The following TEX26 variants were observed in gnomAD, a reference collection of about 807,000 sequenced individuals.
The protein encoded by TEX26 is testis-expressed protein 26.
In TEX26, 34 loss-of-function variants were observed where a neutral mutation model predicts 35.3. The observed-to-expected ratio is 0.96, with a 90% CI of 0.73 to 1.28. The LOEUF is 1.28. Ranked by LOEUF, TEX26 falls within the 50% of genes most tolerant of loss-of-function variation. The probability of loss-of-function intolerance (pLI) is 0.00; values close to 1 mark genes in which losing one functional copy is unlikely to be tolerated. For synonymous variants in TEX26, 136 were observed against 111.8 expected, an observed-to-expected ratio of 1.22 and a Z score of -1.36; for missense variants, 371 against 330.1, an observed-to-expected ratio of 1.12 and a Z score of -0.96.
chr13:30,939,896 G>A (rs1953415796), intron 2 of TEX26, 118 bp downstream of exon 2: 12 of 886,650 alleles, frequency 1.4e-5, no homozygotes, highest in Non-Finnish European at 1.6e-5. Flanking sequence ...AATGCTCTTG[G>A]ATACGGGCTA....
chr13:30,962,698 C>T (rs753886212), intron 4 of TEX26, among the ~76,000 whole-genome samples: 14 of 152,218 alleles, frequency 9.2e-5, no homozygotes, highest in African/African-American at 3.4e-4. Context: ...AAATGTGCTG[C>T]TTTTCACAGT....
At chr13:30,960,469 T>G (rs1046835190) in intron 4 of TEX26, among the ~76,000 whole-genome samples, 3 of 152,198 alleles carry the variant, frequency 2.0e-5, no homozygotes, top group Non-Finnish European at 4.4e-5. Context: ...GGTCTTGAAC[T>G]CCTGAGGTCA....
intron 1 of TEX26, among the ~76,000 whole-genome samples, chr13:30,935,742 G>A (rs931095871): frequency 1.3e-5 from 2 of 152,216 alleles, no homozygotes; most frequent in African/African-American, 4.8e-5. Context: ...CGGATGACCT[G>A]CCTACAGAGA....
intron 2 of TEX26, among the ~76,000 whole-genome samples, chr13:30,947,191 A>C (rs1308723792): frequency 6.6e-6 from 1 of 152,168 alleles, no homozygotes; most frequent in Non-Finnish European, 1.5e-5. Flanking sequence ...ATGAAATACA[A>C]AAAGAAAATT....
At chr13:30,943,661 G>C (rs1953597466) in intron 2 of TEX26, among the ~76,000 whole-genome samples, 1 of 151,838 alleles carries the variant, frequency 6.6e-6, no homozygotes, top group Non-Finnish European at 1.5e-5. Context: ...TTTGTTGAAG[G>C]TTTTTATCAT....
intron 4 of TEX26, among the ~76,000 whole-genome samples, chr13:30,959,917 C>T (rs1288309164): frequency 6.6e-6 from 1 of 152,060 alleles, no homozygotes. Context: ...AGGGGGTTGA[C>T]ATAAAAAAGA....
chr13:30,947,921 G>T (rs1257883977), intron 2 of TEX26, among the ~76,000 whole-genome samples: 1 of 151,750 alleles, frequency 6.6e-6, no homozygotes, highest in Non-Finnish European at 1.5e-5. Flanking sequence ...CCTGGTGTGT[G>T]ATGTTCCTCT....
intron 6 of TEX26, among the ~76,000 whole-genome samples, chr13:30,973,003 T>G (rs1954764544): frequency 6.6e-6 from 1 of 152,126 alleles, no homozygotes; most frequent in Non-Finnish European, 1.5e-5. Context: ...ATATAACTAC[T>G]CCATGACCCA....
At chr13:30,962,830 T>A (rs28602412) in intron 4 of TEX26, among the ~76,000 whole-genome samples, 1 of 32,880 alleles carries the variant, frequency 3.0e-5, no homozygotes, top group Non-Finnish European at 5.9e-5. Flanking sequence ...TTTGTTTTTG[T>A]TTTTTTTTTT....
rs908178909 is a variant in TEX26 at position 30,975,142 on chromosome 13, T to C, written c.*235T>C. On this transcript the variant is annotated 3_prime_UTR_variant, in exon 7 of 7. Coordinates refer to ENST00000380473, the MANE Select transcript of TEX26 (RefSeq NM_152325.3). ...ATCCAATAGTTTTTGATACAATGTTTTTTTCTTTTCCCTTTTGGATACTTA... is the reference window on the plus strand; with the variant it reads ...ATCCAATAGTTTTTGATACAATGTTCTTTTCTTTTCCCTTTTGGATACTTA... The C allele has an allele frequency of 3.3e-6, 1 of 306,998 alleles. No homozygotes were observed. The highest frequency in any genetic ancestry group is 5.9e-6 in the Non-Finnish European group (1 of 168,896). The allele number at this position is 306,998 out of a possible 1,614,324, so 19.0% of individuals were successfully genotyped here.
intron 1 of TEX26, 48 bp downstream of exon 1, chr13:30,932,824 C>T (rs752717439): frequency 6.3e-6 from 10 of 1,595,704 alleles, no homozygotes; most frequent in Admixed American, 1.7e-5. Flanking sequence ...TGGGGTCTTT[C>T]CCGGGGAAAG....
rs1171224024 is a variant in TEX26, at chr13:30,937,476, G to A, written c.62-2218G>A. Among the ~76,000 whole-genome samples the A allele has an allele frequency of 2.6e-5, 4 of 151,946 alleles. No homozygotes were observed. The East Asian group carries it at 7.7e-4, about 29-fold the overall frequency. On this transcript the variant is annotated intron_variant, in intron 1 of 6. Transcript: ENST00000380473. ...AATATCCTTCCTGATTGTTCCGAAAGTCCAATGCCGAAGTTCAAATCAGGT... is the reference window on the plus strand; with the variant it reads ...AATATCCTTCCTGATTGTTCCGAAAATCCAATGCCGAAGTTCAAATCAGGT...
chr13:30,945,198 ACTTT>A (rs1029919847), intron 2 of TEX26, among the ~76,000 whole-genome samples: 2 of 151,188 alleles, frequency 1.3e-5, no homozygotes, highest in East Asian at 1.9e-4. Context: ...TTATATAATG[ACTTT>A]CTTTGTCTTT....
intron 2 of TEX26, among the ~76,000 whole-genome samples, chr13:30,945,261 G>A (rs974631189): frequency 6.6e-6 from 1 of 151,626 alleles, no homozygotes; most frequent in Non-Finnish European, 1.5e-5. Context: ...TATAAGAATA[G>A]CTACTCCAGC....
At chr13:30,971,564 C>T (rs948239993) in intron 6 of TEX26, among the ~76,000 whole-genome samples, 1 of 152,046 alleles carries the variant, frequency 6.6e-6, no homozygotes, top group African/African-American at 2.4e-5. Flanking sequence ...AGAGAAAACT[C>T]CAATATGACA....
chr13:30,942,344 G>A (rs560260791), intron 2 of TEX26, among the ~76,000 whole-genome samples: 1 of 151,998 alleles, frequency 6.6e-6, no homozygotes, highest in South Asian at 2.1e-4. Flanking sequence ...GGCTGTTCAT[G>A]TCATTTACCA....
In TEX26 at chr13:30,956,930, C is replaced by T. The variant is rs1954155767; in HGVS notation, c.370C>T (p.Leu124Phe). The change falls in exon 4 of 7, where the codon CTC becomes TTC. Residue 124 changes from leucine (L) to phenylalanine (F), a missense_variant. Transcript: ENST00000380473. ...CQQTGTLKNC[L>F]PWKIPASMKE... is the part of the protein sequence containing the mutation. Reference sequence around the variant, plus strand: ...ACAAACGGGGACACTAAAGAACTGCCTCCCTTGGAAAATCCCGGCTTCAAT... The same window carrying T: ...ACAAACGGGGACACTAAAGAACTGCTTCCCTTGGAAAATCCCGGCTTCAAT... 1 of 1,614,204 alleles carries T rather than the reference C, an allele frequency of 6.2e-7. No homozygotes were observed. The highest frequency in any genetic ancestry group is 1.6e-4 in the Middle Eastern group (1 of 6,062).
At chr13:30,934,674 T>A (rs1377966809) in intron 1 of TEX26, among the ~76,000 whole-genome samples, 1 of 152,164 alleles carries the variant, frequency 6.6e-6, no homozygotes, top group African/African-American at 2.4e-5. Flanking sequence ...GAAGCACAGC[T>A]GGGGCTGCAA....
intron 2 of TEX26, among the ~76,000 whole-genome samples, chr13:30,945,125 C>T (rs1290788752): frequency 6.6e-6 from 1 of 151,884 alleles, no homozygotes; most frequent in African/African-American, 2.4e-5. Context: ...CTGGGAGCTC[C>T]AGTGTTAGAT....
Sources: allele counts gnomAD v4.1 joint callset (sites outside exome capture counted in the v4.1 genomes callset), GRCh38; gene constraint gnomAD v4.1.1; transcripts MANE v1.5; gene names NCBI Gene and HGNC (gene_info 2026-07-23, HGNC 2026-07-21).